RPH3A: variants seen among roughly 807,000 people sequenced by gnomAD.
The protein encoded by RPH3A is rabphilin 3A.
Under a neutral mutation model 102.2 loss-of-function variants are expected in RPH3A, and 48 were observed. The observed-to-expected ratio is 0.47, with a 90% CI of 0.37 to 0.60. The LOEUF (loss-of-function observed/expected upper bound fraction) is 0.60. RPH3A is among the 20% of genes least tolerant of loss of function. The pLI is 0.00. For missense variants in RPH3A, 781 were observed against 910.1 expected (o/e 0.86, Z 1.83); for synonymous variants, 310 against 324.3 (o/e 0.96, Z 0.47).
intron 1 of RPH3A, among the ~76,000 whole-genome samples, chr12:112,661,758 C>G (rs1293349658): frequency 6.6e-6 from 1 of 151,498 alleles, no homozygotes; most frequent in Non-Finnish European, 1.5e-5. Flanking sequence ...GGATGTGCTA[C>G]CTTCTGTGAG....
At chr12:112,742,885 C>T (rs1246768784) in intron 1 of RPH3A, among the ~76,000 whole-genome samples, 4 of 152,192 alleles carry the variant, frequency 2.6e-5, no homozygotes. Flanking sequence ...AAGGTGTTGG[C>T]AGGGCTGTGT....
rs73429077 is a variant in RPH3A at position 112,880,337 on chromosome 12, T to C, written c.1251+1139T>C. Among the ~76,000 whole-genome samples the C allele has an allele frequency of 4.2e-3, 634 of 152,328 alleles. 4 individuals carry two copies. The highest frequency in any genetic ancestry group is 0.015 in the African/African-American group (624 of 41,582). On this transcript the variant is annotated intron_variant, in intron 14 of 21. Transcript: ENST00000389385. Reference sequence around the variant, plus strand: ...CACTGTGGCAAGCACTTAGAAGCACTTAACACTGCCCCTCCACCCCCGCCA... The same window carrying C: ...CACTGTGGCAAGCACTTAGAAGCACCTAACACTGCCCCTCCACCCCCGCCA...
chr12:112,633,130 C>A (rs530283184), intron 1 of RPH3A, among the ~76,000 whole-genome samples: 1 of 152,174 alleles, frequency 6.6e-6, no homozygotes, highest in East Asian at 1.9e-4. Flanking sequence ...TCACTTGAGC[C>A]CAGGAGTTCA....
chr12:112,845,101 A>G (rs1007479945), intron 4 of RPH3A, among the ~76,000 whole-genome samples: 3 of 152,160 alleles, frequency 2.0e-5, no homozygotes, highest in Non-Finnish European at 4.4e-5. Flanking sequence ...CTTCCACTGT[A>G]TTTAGTTGGT....
At chr12:112,788,286 C>T (rs2041064784), upstream of RPH3A, among the ~76,000 whole-genome samples, 1 of 152,198 alleles carries the variant, frequency 6.6e-6, no homozygotes, top group Admixed American at 6.5e-5. Flanking sequence ...ATCCTTGTTT[C>T]AATGAAGGCT....
intron 1 of RPH3A, among the ~76,000 whole-genome samples, chr12:112,579,727 A>G (rs1264946306): frequency 1.3e-5 from 2 of 151,804 alleles, no homozygotes; most frequent in African/African-American, 4.8e-5. Flanking sequence ...TTTCTTTTCT[A>G]TCTTCTTTTT....
chr12:112,659,756 A>G (rs192285019), intron 1 of RPH3A, among the ~76,000 whole-genome samples: 22 of 152,254 alleles, frequency 1.4e-4, no homozygotes, highest in Admixed American at 1.2e-3. Context: ...TGTGGATTTC[A>G]TTTAATGGGG....
chr12:112,877,794 C>A (rs1276602092), intron 13 of RPH3A, among the ~76,000 whole-genome samples: 1 of 152,214 alleles, frequency 6.6e-6, no homozygotes. Context: ...GTGCTAAACA[C>A]CCACGAGGAA....
intron 2 of RPH3A, 30 bp from the exon 3 acceptor site, chr12:112,828,271 T>A (rs1593052284): frequency 6.8e-7 from 1 of 1,465,210 alleles, no homozygotes; most frequent in Non-Finnish European, 9.6e-7. Context: ...AATGATGGGG[T>A]GATGTCCTCT....
intron 1 of RPH3A, among the ~76,000 whole-genome samples, chr12:112,577,064 AC>A (rs2039365848): frequency 6.6e-6 from 1 of 151,880 alleles, no homozygotes; most frequent in Non-Finnish European, 1.5e-5. Context: ...TGCCACTGTT[AC>A]CGGAAAGGGA....
In RPH3A at chr12:112,896,892, A is replaced by G; in HGVS notation, c.*112A>G. 2 of 1,230,264 alleles carry G rather than the reference A, an allele frequency of 1.6e-6. No homozygotes were observed. Among genetic ancestry groups the G allele is most frequent in the East Asian group, 5.0e-5 (2 of 40,092 alleles). The allele number at this position is 1,230,264 out of a possible 1,614,324, so 76.2% of individuals were successfully genotyped here. On this transcript the variant is annotated 3_prime_UTR_variant, in exon 22 of 22. Coordinates refer to ENST00000389385, the MANE Select transcript of RPH3A (RefSeq NM_001143854.2). ...GCCTACCTCCCCCCATACCCTGCTG[A>G]TCTCCCTGAGCCTGCCTTTGAGCCC...
intron 10 of RPH3A, among the ~76,000 whole-genome samples, chr12:112,872,931 C>A (rs962659426): frequency 3.9e-5 from 6 of 152,172 alleles, no homozygotes; most frequent in Admixed American, 1.3e-4. Flanking sequence ...TGAGACGCAG[C>A]CCTAATGCAG....
At chr12:112,819,241 GATTACAGGC>G (rs1263359934) in intron 2 of RPH3A, among the ~76,000 whole-genome samples, 2 of 151,972 alleles carry the variant, frequency 1.3e-5, no homozygotes, top group Non-Finnish European at 2.9e-5. Context: ...GAGTAGCTGG[GATTACAGGC>G]ATGCACCACC....
chr12:112,691,889 G>A (rs1307366786), intron 1 of RPH3A, among the ~76,000 whole-genome samples: 1 of 152,164 alleles, frequency 6.6e-6, no homozygotes, highest in Non-Finnish European at 1.5e-5. Flanking sequence ...GAGAAATTGA[G>A]GTTCAGTGGG....
intron 1 of RPH3A, among the ~76,000 whole-genome samples, chr12:112,673,761 A>G (rs1019322525): frequency 5.3e-5 from 8 of 152,122 alleles, no homozygotes; most frequent in African/African-American, 1.7e-4. Context: ...GTGCTATCAA[A>G]TCGTAGGTCT....
chr12:112,715,408 G>A (rs2040506352), intron 1 of RPH3A, among the ~76,000 whole-genome samples: 2 of 152,040 alleles, frequency 1.3e-5, no homozygotes, highest in African/African-American at 4.8e-5. Context: ...GCTTATTTAT[G>A]TATTGCCTTT....
intron 1 of RPH3A, among the ~76,000 whole-genome samples, chr12:112,673,538 T>TA (rs200882591): frequency 0.016 from 2,344 of 144,452 alleles, 47 homozygotes; most frequent in African/African-American, 0.046. Context: ...TTTTAAAAAC[T>TA]AAAAAAAAAA....
intron 14 of RPH3A, among the ~76,000 whole-genome samples, chr12:112,879,549 G>A (rs2042869470): frequency 6.6e-6 from 1 of 152,198 alleles, no homozygotes; most frequent in South Asian, 2.1e-4. Flanking sequence ...CAGCTGACAT[G>A]GCCATGGAAT....
chr12:112,756,732 CA>C (rs2040825642), intron 1 of RPH3A, among the ~76,000 whole-genome samples: 1 of 152,120 alleles, frequency 6.6e-6, no homozygotes, highest in Admixed American at 6.5e-5. Context: ...TCATTTTGTG[CA>C]AGTCCAAACA....
Sources: gnomAD v4.1 joint callset for allele counts (sites outside exome capture counted in the v4.1 genomes callset) on GRCh38, gnomAD v4.1.1 for gene constraint, MANE v1.5 for transcripts, NCBI Gene and HGNC (gene_info 2026-07-23, HGNC 2026-07-21) for gene names.